The following SIPA1L3 variants were observed in gnomAD, a reference collection of about 807,000 sequenced individuals.
SIPA1L3 encodes the protein signal induced proliferation associated 1 like 3.
Under a neutral mutation model 150.1 loss-of-function variants are expected in SIPA1L3, and 59 were observed. That is an observed-to-expected ratio of 0.39 (90% CI 0.32 to 0.49). SIPA1L3 has a LOEUF of 0.49. Ranked by LOEUF, SIPA1L3 falls within the 20% of genes least tolerant of loss-of-function variation. The probability of loss-of-function intolerance (pLI) is 0.86; values close to 1 mark genes in which losing one functional copy is unlikely to be tolerated. For missense variants in SIPA1L3, 2,211 were observed against 2,489.5 expected, an observed-to-expected ratio of 0.89 and a Z score of 2.38; for synonymous variants, 1,070 against 1,077.6, an observed-to-expected ratio of 0.99 and a Z score of 0.14.
chr19:38,024,353 T>A (rs372561555), intron 1 of SIPA1L3, among the ~76,000 whole-genome samples: 3 of 152,202 alleles, frequency 2.0e-5, no homozygotes, highest in East Asian at 3.9e-4. Context: ...TGTGGAACTT[T>A]TGACAGACAC....
chr19:38,122,761 G>A (rs1330573658), intron 9 of SIPA1L3, among the ~76,000 whole-genome samples: 1 of 152,168 alleles, frequency 6.6e-6, no homozygotes, highest in South Asian at 2.1e-4. Flanking sequence ...CTAGGGCGGC[G>A]TCCAGCCTCA....
At chr19:38,125,708 G>A (rs8104873) in intron 9 of SIPA1L3, among the ~76,000 whole-genome samples, 8 of 152,044 alleles carry the variant, frequency 5.3e-5, no homozygotes, top group East Asian at 3.9e-4. Context: ...CACTCTCCCC[G>A]GCAGGCTGAC....
rs1259233016 is a variant in SIPA1L3 at position 38,208,087 on chromosome 19, T to C, written c.*1847T>C. 1.3e-5 allele frequency: 2 copies of C among 151,516 alleles called. No homozygotes were observed. The highest frequency in any genetic ancestry group is 3.0e-5 in the Non-Finnish European group (2 of 67,782). 9.4% of individuals were successfully genotyped at this position (151,516 alleles called of 1,614,324 possible). On this transcript the variant is annotated 3_prime_UTR_variant, in exon 22 of 22. Transcript: ENST00000222345. ...CCATCTTCAGATCATTCGAATCATT[T>C]TGGGGACTTAATCATGTACATGGAC...
At chr19:38,028,088 G>A (rs570148910) in intron 1 of SIPA1L3, among the ~76,000 whole-genome samples, 11 of 152,112 alleles carry the variant, frequency 7.2e-5, no homozygotes, top group Non-Finnish European at 1.3e-4. Flanking sequence ...AGCCTCTGCC[G>A]GTGCCCAGAA....
intron 2 of SIPA1L3, among the ~76,000 whole-genome samples, chr19:38,060,562 G>C (rs1170488987): frequency 6.6e-6 from 1 of 152,176 alleles, no homozygotes; most frequent in Non-Finnish European, 1.5e-5. Flanking sequence ...ATGCACAGAT[G>C]GCACACACCG....
chr19:38,197,241 C>G, intron 18 of SIPA1L3, among the ~76,000 whole-genome samples: 1 of 152,098 alleles, frequency 6.6e-6, no homozygotes, highest in East Asian at 1.9e-4. Flanking sequence ...TGCCGATTCC[C>G]AGCTAAGGGC....
At chr19:38,060,595 A>C (rs563822687) in intron 2 of SIPA1L3, among the ~76,000 whole-genome samples, 1 of 152,338 alleles carries the variant, frequency 6.6e-6, no homozygotes, top group East Asian at 1.9e-4. Context: ...CTGAGAAACC[A>C]CTGTTACCTC....
intron 1 of SIPA1L3, among the ~76,000 whole-genome samples, chr19:38,014,341 G>C (rs992638923): frequency 1.3e-5 from 2 of 152,160 alleles, no homozygotes; most frequent in Non-Finnish European, 2.9e-5. Context: ...TTGGTGAGCC[G>C]TGAAGCGTGC....
At chr19:37,990,480 A>G (rs996325319) in intron 1 of SIPA1L3, among the ~76,000 whole-genome samples, 2 of 152,206 alleles carry the variant, frequency 1.3e-5, no homozygotes, top group East Asian at 3.9e-4. Context: ...CTGGAGTACC[A>G]GCTTTGACTT....
chr19:38,045,135 C>T (rs1165909147), intron 2 of SIPA1L3, among the ~76,000 whole-genome samples: 2 of 152,132 alleles, frequency 1.3e-5, no homozygotes, highest in East Asian at 1.9e-4. Context: ...CCCAGCACTT[C>T]GGGAAGCCAA....
At chr19:38,033,991 C>T (rs753759847) in intron 2 of SIPA1L3, among the ~76,000 whole-genome samples, 2 of 152,184 alleles carry the variant, frequency 1.3e-5, no homozygotes, top group African/African-American at 4.8e-5. Flanking sequence ...ATTTCTCGCT[C>T]ACAACAGCAC....
intron 4 of SIPA1L3, among the ~76,000 whole-genome samples, chr19:38,090,490 G>A (rs1392566275): frequency 1.3e-5 from 2 of 152,284 alleles, no homozygotes; most frequent in Non-Finnish European, 2.9e-5. Flanking sequence ...CCAGGGGCAG[G>A]GCCAGGCACT....
chr19:37,931,278 G>A (rs948906520), intron 1 of SIPA1L3, among the ~76,000 whole-genome samples: 3 of 151,162 alleles, frequency 2.0e-5, no homozygotes, highest in Non-Finnish European at 4.4e-5. Context: ...TTGGGAGGCT[G>A]AGGAGGGAGG....
Position 37,937,108 on chromosome 19 carries a change from C to G in SIPA1L3, c.-379+29750C>G, listed in dbSNP as rs2046607268. ...AGACTCCTGGGCTCAAGTGATCCTC[C>G]TGCCTTGGCTTCCCAAAGCATTGGC... On this transcript the variant is annotated intron_variant, in intron 1 of 21. Transcript: ENST00000222345. Among the ~76,000 whole-genome samples the G allele has an allele frequency of 2.0e-5, 3 of 152,196 alleles. No individual in the cohort carries two copies. The South Asian group carries it at 6.2e-4, about 32-fold the overall frequency.
At chr19:38,162,453 C>T in intron 14 of SIPA1L3, 82 bp downstream of exon 14, 5 of 1,020,726 alleles carry the variant, frequency 4.9e-6, no homozygotes, top group South Asian at 4.0e-5. Flanking sequence ...TTGAGCACAT[C>T]CTCAACCTCT....
chr19:38,186,878 C>T (rs554995607), intron 16 of SIPA1L3, among the ~76,000 whole-genome samples: 1 of 150,548 alleles, frequency 6.6e-6, no homozygotes, highest in African/African-American at 2.4e-5. Context: ...TAATCTGTTC[C>T]ACATCCCATG....
intron 1 of SIPA1L3, among the ~76,000 whole-genome samples, chr19:37,923,918 A>C (rs1462421688): frequency 6.6e-6 from 1 of 151,702 alleles, no homozygotes; most frequent in Non-Finnish European, 1.5e-5. Context: ...TTCCAACTGT[A>C]ATCTAGTTTG....
At chr19:37,985,950 T>C (rs975845521) in intron 1 of SIPA1L3, among the ~76,000 whole-genome samples, 1 of 152,260 alleles carries the variant, frequency 6.6e-6, no homozygotes, top group Non-Finnish European at 1.5e-5. Flanking sequence ...GTGACCCAGC[T>C]GCGCCGTCAT....
intron 1 of SIPA1L3, among the ~76,000 whole-genome samples, chr19:37,978,439 A>G (rs981886196): frequency 6.6e-6 from 1 of 152,152 alleles, no homozygotes; most frequent in African/African-American, 2.4e-5. Flanking sequence ...GGATTAACCC[A>G]TGGACTCCTC....
Sources: allele counts gnomAD v4.1 joint callset (sites outside exome capture counted in the v4.1 genomes callset), GRCh38; gene constraint gnomAD v4.1.1; transcripts MANE v1.5; gene names NCBI Gene and HGNC (gene_info 2026-07-23, HGNC 2026-07-21).